HS3ST5: variants seen among roughly 807,000 people sequenced by gnomAD.
The protein encoded by HS3ST5 is heparan sulfate glucosamine 3-O-sulfotransferase 5.
HS3ST5 carries 10 observed loss-of-function variants against 25.4 expected under a neutral mutation model. The observed-to-expected ratio is 0.39, with a 90% confidence interval of 0.24 to 0.67. The LOEUF (loss-of-function observed/expected upper bound fraction) is 0.67. HS3ST5 is among the 30% of genes least tolerant of loss of function. The pLI, the probability that HS3ST5 is intolerant of heterozygous loss-of-function variation, is 0.44. For missense variants in HS3ST5, 324 were observed against 420.7 expected (o/e 0.77, Z 2.01); for synonymous variants, 170 against 162.4 (o/e 1.05, Z -0.36).
intron 1 of HS3ST5, among the ~76,000 whole-genome samples, chr6:114,332,013 A>G (rs1339770318): frequency 6.6e-6 from 1 of 152,056 alleles, no homozygotes; most frequent in Non-Finnish European, 1.5e-5. Context: ...AATTTAAATA[A>G]AAGAAAACCT....
At chr6:114,318,797 A>C (rs1381474116) in intron 1 of HS3ST5, among the ~76,000 whole-genome samples, 1 of 152,212 alleles carries the variant, frequency 6.6e-6, no homozygotes, top group African/African-American at 2.4e-5. Context: ...TCAAGTTGTT[A>C]TGAAGACTAA....
At chr6:114,086,509 A>T (rs1774838139) in intron 3 of HS3ST5, among the ~76,000 whole-genome samples, 1 of 152,198 alleles carries the variant, frequency 6.6e-6, no homozygotes, top group Non-Finnish European at 1.5e-5. Context: ...ATTCTTCCCG[A>T]GAGTCATCTC....
intron 1 of HS3ST5, among the ~76,000 whole-genome samples, chr6:114,284,807 A>T (rs1216523504): frequency 2.0e-5 from 3 of 151,960 alleles, no homozygotes; most frequent in Non-Finnish European, 4.4e-5. Context: ...GAATATATAC[A>T]TATAGATCAG....
At position 114,057,603 on chromosome 6, in the gene HS3ST5, C is replaced by T; in HGVS notation, c.695G>A (p.Ser232Asn). The T allele has an allele frequency of 6.2e-7, 1 of 1,612,174 alleles. No individual in the cohort carries two copies. The highest frequency in any genetic ancestry group is 8.5e-7 in the Non-Finnish European group (1 of 1,179,302). ...CCTTTCCAGATGTTTGGTGTAGATG[C>T]TGGTTCTTACTGCTTTGTATTTTGT... ...VNTKYKAVRT[S>N]IYTKHLERWL... The change falls in exon 5 of 5, where the codon AGC (serine) becomes AAC (asparagine). Residue 232 changes from serine to asparagine, a missense_variant. This residue lies in a region of HS3ST5 where 203 missense variants were observed against 303.4 expected (regional missense o/e 0.67). Transcript: ENST00000312719.
intron 2 of HS3ST5, among the ~76,000 whole-genome samples, chr6:114,215,071 C>G (rs1458520971): frequency 6.6e-6 from 1 of 152,028 alleles, no homozygotes; most frequent in East Asian, 1.9e-4. Context: ...TTTGGGAGGC[C>G]GAGGCGGGCA....
At chr6:114,155,336 TAG>T (rs1452317618) in intron 3 of HS3ST5, among the ~76,000 whole-genome samples, 3 of 152,036 alleles carry the variant, frequency 2.0e-5, no homozygotes, top group Admixed American at 1.3e-4. Context: ...AGAAAAAGAA[TAG>T]AGAGTAAAGT....
At chr6:114,118,245 G>A (rs965068858) in intron 3 of HS3ST5, among the ~76,000 whole-genome samples, 6 of 152,124 alleles carry the variant, frequency 3.9e-5, no homozygotes, top group African/African-American at 1.4e-4. Context: ...ATTATTGCCA[G>A]CTTAGCCACT....
At chr6:114,184,967 CAT>C (rs1359756842) in intron 2 of HS3ST5, among the ~76,000 whole-genome samples, 2 of 152,156 alleles carry the variant, frequency 1.3e-5, no homozygotes, top group Non-Finnish European at 2.9e-5. Context: ...AAGCACATAA[CAT>C]ATTTGGTTTT....
rs184051384 is a variant in HS3ST5 at position 114,131,053 on chromosome 6, T to C, written c.-33+37298A>G. ...CAAGATCCTGTCTCTAAAAAATAAA[T>C]AAATAGAAAAATCTAACTTTGCACT... On this transcript the variant is annotated intron_variant, in intron 3 of 4. Transcript: ENST00000312719. 3.4e-3 allele frequency among the ~76,000 whole-genome samples: 517 copies of C among 152,094 alleles called. 3 individuals are homozygous for C. The highest frequency in any genetic ancestry group is 0.012 in the African/African-American group (492 of 41,506).
intron 2 of HS3ST5, among the ~76,000 whole-genome samples, chr6:114,202,460 G>A (rs1781071107): frequency 6.6e-6 from 1 of 152,074 alleles, no homozygotes; most frequent in South Asian, 2.1e-4. Context: ...TGTATCTCAA[G>A]TGCCCAGAGA....
intron 2 of HS3ST5, among the ~76,000 whole-genome samples, chr6:114,186,473 G>C (rs1373293455): frequency 6.6e-6 from 1 of 152,144 alleles, no homozygotes; most frequent in Non-Finnish European, 1.5e-5. Context: ...CTAATCTAGA[G>C]AAAGGTCCTA....
At chr6:114,210,666 C>T (rs941129871) in intron 2 of HS3ST5, among the ~76,000 whole-genome samples, 5 of 152,176 alleles carry the variant, frequency 3.3e-5, no homozygotes, top group South Asian at 2.1e-4. Context: ...AAGGACAAGG[C>T]GCTCTGTTCC....
Position 114,094,605 on chromosome 6 carries a change from GT to G in HS3ST5, c.-32-31729del, listed in dbSNP as rs1208777823. Among the ~76,000 whole-genome samples, 7 of 152,248 alleles carry G rather than the reference GT, an allele frequency of 4.6e-5. No individual in the cohort carries two copies. In the East Asian group the frequency reaches 1.4e-3, roughly 29 times the overall value. On this transcript the variant is annotated intron_variant, in intron 3 of 4. Transcript: ENST00000312719. ...CTAAGCCTATATAATAACGATCCAAGTTATGGTATAATATAATTTCCTTACA... is the reference window on the plus strand; with the variant it reads ...CTAAGCCTATATAATAACGATCCAAGTATGGTATAATATAATTTCCTTACA...
At chr6:114,334,696 C>G (rs1202440521) in intron 1 of HS3ST5, among the ~76,000 whole-genome samples, 2 of 152,116 alleles carry the variant, frequency 1.3e-5, no homozygotes, top group Non-Finnish European at 2.9e-5. Context: ...TAAGTGTGTA[C>G]CAGGCTATAC....
chr6:114,238,502 C>T (rs900170057), intron 1 of HS3ST5, among the ~76,000 whole-genome samples: 8 of 152,030 alleles, frequency 5.3e-5, no homozygotes, highest in African/African-American at 1.9e-4. Context: ...GTTATAGTTT[C>T]AGGATGTACA....
intron 1 of HS3ST5, among the ~76,000 whole-genome samples, chr6:114,256,092 A>C (rs1192905366): frequency 2.0e-5 from 3 of 152,168 alleles, no homozygotes; most frequent in African/African-American, 7.2e-5. Context: ...ATGTCTTATA[A>C]AAATATTTCA....
At chr6:114,140,997 A>G (rs554722571) in intron 3 of HS3ST5, among the ~76,000 whole-genome samples, 5 of 152,362 alleles carry the variant, frequency 3.3e-5, no homozygotes, top group African/African-American at 1.2e-4. Flanking sequence ...CAAATCAAGT[A>G]CTCAATAAGT....
At chr6:114,180,328 T>A (rs908936) in intron 2 of HS3ST5, among the ~76,000 whole-genome samples, 3 of 151,812 alleles carry the variant, frequency 2.0e-5, no homozygotes, top group Admixed American at 6.6e-5. Context: ...GAGGTCTTTC[T>A]CTGCTTGGGC....
chr6:114,310,469 C>T (rs180956723), intron 1 of HS3ST5, among the ~76,000 whole-genome samples: 27 of 151,870 alleles, frequency 1.8e-4, no homozygotes, highest in African/African-American at 4.8e-4. Context: ...GTATTATAAA[C>T]GGCAAAAACT....
Sources: allele counts gnomAD v4.1 joint callset (sites outside exome capture counted in the v4.1 genomes callset), GRCh38; gene constraint gnomAD v4.1.1; regional missense constraint gnomAD v4.1.1; transcripts MANE v1.5; gene names NCBI Gene and HGNC (gene_info 2026-07-23, HGNC 2026-07-21).